Variants in SCAF8 observed in about 807,000 individuals in gnomAD.
SCAF8 encodes the protein SR-related CTD associated factor 8.
SCAF8 carries 23 observed loss-of-function variants against 140.5 expected under a neutral mutation model. That is an observed-to-expected ratio of 0.16 (90% CI 0.12 to 0.23). SCAF8 has a LOEUF of 0.23. Ranked by LOEUF, SCAF8 falls within the 10% of genes least tolerant of loss-of-function variation. The pLI, the probability that SCAF8 is intolerant of heterozygous loss-of-function variation, is 1.00. For missense variants in SCAF8, 1,397 were observed against 1,555.7 expected (o/e 0.90, Z 1.72); for synonymous variants, 575 against 528.9 (o/e 1.09, Z -1.20).
At chr6:154,776,805 A>T (rs1776929647) in intron 2 of SCAF8, among the ~76,000 whole-genome samples, 1 of 152,292 alleles carries the variant, frequency 6.6e-6, no homozygotes, top group South Asian at 2.1e-4. Flanking sequence ...TAAATACTGG[A>T]TTTAGTGCTG....
chr6:154,829,495 G>A (rs904935776), intron 18 of SCAF8, among the ~76,000 whole-genome samples: 6 of 152,110 alleles, frequency 3.9e-5, no homozygotes, highest in Admixed American at 2.6e-4. Context: ...ATTCAGGCAA[G>A]CCTACCTCAA....
At chr6:154,753,083 C>CT (rs1359646100) in intron 1 of SCAF8, among the ~76,000 whole-genome samples, 1 of 151,732 alleles carries the variant, frequency 6.6e-6, no homozygotes, top group Non-Finnish European at 1.5e-5. Context: ...AATCCCAGCA[C>CT]TTTGGGAGGC....
intron 18 of SCAF8, among the ~76,000 whole-genome samples, chr6:154,830,646 T>G (rs1003105189): frequency 1.3e-5 from 2 of 152,216 alleles, no homozygotes; most frequent in African/African-American, 4.8e-5. Context: ...ATTATTAATT[T>G]TTTTGTTACT....
At chr6:154,793,014 C>G (rs372727295) in intron 5 of SCAF8, 38 bp downstream of exon 5, 1 of 1,493,694 alleles carries the variant, frequency 6.7e-7, no homozygotes, top group Non-Finnish European at 9.0e-7. Context: ...TCTAAATATT[C>G]TACTCATACT....
chr6:154,833,552 C>A lies in SCAF8; in HGVS notation c.*157C>A. ...TCTCTTAAAATAATTGTACAACTGA[C>A]TTGTATAGACATTGTTCTTAATATG... On this transcript the variant is annotated 3_prime_UTR_variant, in exon 20 of 20. Transcript: ENST00000367178. 1.5e-6 allele frequency: 1 copy of A among 682,136 alleles called. No individual in the cohort carries two copies. Among genetic ancestry groups the A allele is most frequent in the Non-Finnish European group, 2.4e-6 (1 of 416,440 alleles). 42.3% of individuals were successfully genotyped at this position (682,136 alleles called of 1,614,324 possible). A position where few individuals can be genotyped will look rare whatever the true frequency, so the allele number is the denominator to read the frequency against.
At position 154,787,926 on chromosome 6, in the gene SCAF8, T is replaced by C. The variant is rs755126830; in HGVS notation, c.225T>C (p.His75=). 6.2e-7 allele frequency: 1 copy of C among 1,613,912 alleles called. No individual in the cohort carries two copies. The highest frequency in any genetic ancestry group is 8.5e-7 in the Non-Finnish European group (1 of 1,179,844). Reference sequence around the variant, plus strand: ...ACTCCATTGTGCGACAATCCCGACATCAGTTTGGTCAAGAAAAGGATGTGT... The same window carrying C: ...ACTCCATTGTGCGACAATCCCGACACCAGTTTGGTCAAGAAAAGGATGTGT... ...VIDSIVRQSR[H]QFGQEKDVFA... The change falls in exon 4 of 20, where the codon CAT becomes CAC. Residue 75 remains histidine, a synonymous_variant. Coordinates refer to ENST00000367178, the MANE Select transcript of SCAF8 (RefSeq NM_014892.5).
At chr6:154,817,298 A>G (rs1778282217) in intron 13 of SCAF8, among the ~76,000 whole-genome samples, 1 of 152,198 alleles carries the variant, frequency 6.6e-6, no homozygotes, top group African/African-American at 2.4e-5. Context: ...TCCAAGTAGC[A>G]TTTTGGATTT....
intron 1 of SCAF8, among the ~76,000 whole-genome samples, chr6:154,773,580 A>G (rs1327151612): frequency 6.6e-6 from 1 of 152,204 alleles, no homozygotes; most frequent in African/African-American, 2.4e-5. Context: ...AGTATCATGT[A>G]CAAGTTCTTT....
intron 15 of SCAF8, among the ~76,000 whole-genome samples, chr6:154,820,570 G>C (rs1778390479): frequency 6.6e-6 from 1 of 152,086 alleles, no homozygotes. Flanking sequence ...AAATATATGT[G>C]TGTTTTTTTC....
intron 2 of SCAF8, 31 bp from the exon 3 acceptor site, chr6:154,777,969 TA>T: frequency 7.2e-7 from 1 of 1,388,012 alleles, no homozygotes. Flanking sequence ...AAACTGATTT[TA>T]AAACCATACT....
At chr6:154,771,242 G>A (rs1776757866) in intron 1 of SCAF8, among the ~76,000 whole-genome samples, 1 of 152,222 alleles carries the variant, frequency 6.6e-6, no homozygotes, top group Non-Finnish European at 1.5e-5. Context: ...GCATAAAAGA[G>A]GGAGTATTGA....
chr6:154,779,023 T>G (rs1777004600), intron 3 of SCAF8, among the ~76,000 whole-genome samples: 1 of 152,024 alleles, frequency 6.6e-6, no homozygotes. Flanking sequence ...TTGTTTTGTT[T>G]TGTTTTGGTT....
intron 1 of SCAF8, among the ~76,000 whole-genome samples, chr6:154,734,940 TG>T (rs1778371681): frequency 6.6e-6 from 1 of 152,074 alleles, no homozygotes; most frequent in African/African-American, 2.4e-5. Flanking sequence ...CTGGCCAACG[TG>T]GTGAAACCCT....
At chr6:154,761,150 G>A (rs900660068) in intron 1 of SCAF8, among the ~76,000 whole-genome samples, 7 of 151,958 alleles carry the variant, frequency 4.6e-5, no homozygotes, top group Admixed American at 3.3e-4. Flanking sequence ...TTGATAGTGA[G>A]TTATTAGGTA....
At chr6:154,749,966 T>C (rs1056257019) in intron 1 of SCAF8, among the ~76,000 whole-genome samples, 1 of 151,876 alleles carries the variant, frequency 6.6e-6, no homozygotes, top group Non-Finnish European at 1.5e-5. Context: ...ATGACTGCAG[T>C]AGAAGTTTAG....
intron 13 of SCAF8, among the ~76,000 whole-genome samples, chr6:154,817,683 A>G (rs923475581): frequency 6.6e-6 from 1 of 152,232 alleles, no homozygotes; most frequent in African/African-American, 2.4e-5. Context: ...AGTGTTAGCA[A>G]GGCTGAGGAA....
chr6:154,807,711 C>T (rs1777962948), intron 9 of SCAF8, among the ~76,000 whole-genome samples: 1 of 152,092 alleles, frequency 6.6e-6, no homozygotes, highest in South Asian at 2.1e-4. Context: ...TTATTAATGC[C>T]AATTATCAGT....
At chr6:154,779,655 A>T (rs1350541091) in intron 3 of SCAF8, among the ~76,000 whole-genome samples, 2 of 152,224 alleles carry the variant, frequency 1.3e-5, no homozygotes, top group Non-Finnish European at 2.9e-5. Context: ...ATTACAGTCA[A>T]TCTGAAGAAG....
chr6:154,751,623 A>G (rs1778840580), intron 1 of SCAF8, among the ~76,000 whole-genome samples: 2 of 152,164 alleles, frequency 1.3e-5, no homozygotes, highest in East Asian at 3.8e-4. Context: ...GTTCAGTCAT[A>G]CCTTTACTAG....
Sources: gnomAD v4.1 joint callset for allele counts (sites outside exome capture counted in the v4.1 genomes callset) on GRCh38, gnomAD v4.1.1 for gene constraint, MANE v1.5 for transcripts, NCBI Gene and HGNC (gene_info 2026-07-23, HGNC 2026-07-21) for gene names.